Variants in CLIP2 observed in about 807,000 individuals in gnomAD.
CLIP2 encodes CAP-Gly domain-containing linker protein 2.
In CLIP2, 41 loss-of-function variants were observed where a neutral mutation model predicts 111.7. The ratio of observed to expected loss-of-function variants is 0.37; its 90% CI spans 0.29 to 0.48. The LOEUF (loss-of-function observed/expected upper bound fraction) is 0.48. CLIP2 is among the 20% of genes least tolerant of loss of function. The probability of loss-of-function intolerance (pLI) is 0.99; values close to 1 mark genes in which losing one functional copy is unlikely to be tolerated. For missense variants in CLIP2, 1,160 were observed against 1,422.1 expected, an observed-to-expected ratio of 0.82 and a Z score of 2.96; for synonymous variants, 660 against 644.2, an observed-to-expected ratio of 1.02 and a Z score of -0.37.
intron 13 of CLIP2, among the ~76,000 whole-genome samples, chr7:74,394,656 G>A (rs1791398170): frequency 6.6e-6 from 1 of 152,190 alleles, no homozygotes; most frequent in Admixed American, 6.6e-5. Flanking sequence ...ATTAGGAGTT[G>A]CTCTAGCTAC....
rs868980552 is a variant in CLIP2 at position 74,364,277 on chromosome 7, C to T, written c.1342C>T (p.Arg448Cys). ...ERRKVEDLQF[R>C]VEEESITKGD... The stretch of plus-strand genomic sequence containing the variant: ...CAGGAAGGTGGAGGATCTGCAGTTC[C>T]GCGTGGAGGAGGAGTCCATCACCAA... The change falls in exon 8 of 17, where the codon CGC becomes TGC. Residue 448 changes from arginine (R) to cysteine (C), a missense_variant. By Grantham distance (180) the Arg-to-Cys change is radical. Transcript: ENST00000223398. The T allele has an allele frequency of 5.6e-6, 9 of 1,613,582 alleles. No homozygotes were observed. Among genetic ancestry groups the T allele is most frequent in the Admixed American group, 1.7e-5 (1 of 59,932 alleles).
chr7:74,305,996 G>C (rs1554727699), intron 1 of CLIP2, among the ~76,000 whole-genome samples: 2 of 151,940 alleles, frequency 1.3e-5, no homozygotes, highest in African/African-American at 4.8e-5. Context: ...TGATTGCTGG[G>C]GCACGTCCAG....
chr7:74,324,593 T>C (rs1789061871), intron 2 of CLIP2, among the ~76,000 whole-genome samples: 1 of 151,636 alleles, frequency 6.6e-6, no homozygotes, highest in Admixed American at 6.6e-5. Context: ...AGCCACACCT[T>C]GTGCCTGACC....
intron 3 of CLIP2, among the ~76,000 whole-genome samples, chr7:74,349,487 TATATATATATATATATATATATATGTAA>T (rs1789916975): frequency 8.4e-6 from 1 of 119,144 alleles, no homozygotes; most frequent in Non-Finnish European, 1.7e-5. Context: ...TATATATATA[TATATATATATATATATATATATATGTAA>T]ATAAAAATTA....
chr7:74,366,902 C>G (rs1239387668), intron 8 of CLIP2, among the ~76,000 whole-genome samples: 8 of 148,062 alleles, frequency 5.4e-5, no homozygotes, highest in Non-Finnish European at 1.2e-4. Context: ...AAAAAAAAGG[C>G]CTGAAATCAA....
Position 74,338,891 on chromosome 7 carries a change from G to A in CLIP2, c.565G>A (p.Glu189Lys). The change falls in exon 3 of 17, where the codon GAG (glutamate) becomes AAG (lysine). Residue 189 changes from glutamate (E) to lysine (K), a missense_variant. By Grantham distance (56) the Glu-to-Lys change is moderately conservative (BLOSUM62 1). This residue lies in a region of CLIP2 where 301 missense variants were observed against 315.2 expected (regional missense o/e 0.96). Coordinates refer to ENST00000223398, the MANE Select transcript of CLIP2 (RefSeq NM_003388.5). This position sits in a 1 kb window ranked among gnomAD's most constrained non-coding sequence, Gnocchi z 4.3. Reference protein sequence around the residue: ...PLTSRVIPLRESVLNSSVKTG... With the variant: ...PLTSRVIPLRKSVLNSSVKTG... ...GACCAGCCGCGTCATCCCCCTGCGG[G>A]AGAGCGTCCTCAACAGCTCCGTGAA... The A allele has an allele frequency of 6.2e-7, 1 of 1,605,562 alleles. No individual in the cohort carries two copies. Among genetic ancestry groups the A allele is most frequent in the Non-Finnish European group, 8.5e-7 (1 of 1,179,898 alleles).
At chr7:74,312,878 C>T (rs782805603) in intron 1 of CLIP2, among the ~76,000 whole-genome samples, 2 of 152,278 alleles carry the variant, frequency 1.3e-5, no homozygotes, top group South Asian at 4.1e-4. Context: ...ATCCTTCACT[C>T]GGATGTGCCA....
At chr7:74,339,041 C>T (rs1554732849) in intron 3 of CLIP2, 37 bp downstream of exon 3, 1 of 1,551,134 alleles carries the variant, frequency 6.4e-7, no homozygotes, top group South Asian at 1.2e-5. Flanking sequence ...GGCCCAGCTT[C>T]CCTTCCCTCC....
chr7:74,296,593 G>A (rs1788175097), intron 1 of CLIP2, among the ~76,000 whole-genome samples: 1 of 151,728 alleles, frequency 6.6e-6, no homozygotes, highest in Non-Finnish European at 1.5e-5. Flanking sequence ...TTCAAGACCA[G>A]TCTGGCCAAT....
At chr7:74,332,460 C>CTTTTTTTTTT (rs386410474) in intron 2 of CLIP2, among the ~76,000 whole-genome samples, 1 of 110,322 alleles carries the variant, frequency 9.1e-6, no homozygotes, top group African/African-American at 3.3e-5. Context: ...CTAGAATTCT[C>CTTTTTTTTTT]TTTTTTTTTT....
At chr7:74,328,235 G>A (rs1789173921) in intron 2 of CLIP2, among the ~76,000 whole-genome samples, 1 of 152,182 alleles carries the variant, frequency 6.6e-6, no homozygotes, top group South Asian at 2.1e-4. Context: ...GACTGCCGGA[G>A]GGAAAGTGGC....
chr7:74,370,940 C>T (rs1463288974), intron 8 of CLIP2, among the ~76,000 whole-genome samples: 3 of 152,008 alleles, frequency 2.0e-5, no homozygotes, highest in Admixed American at 2.0e-4. Flanking sequence ...TGCCTCCCCA[C>T]CCCCCAGAAT....
intron 1 of CLIP2, among the ~76,000 whole-genome samples, chr7:74,295,154 G>C (rs1290162428): frequency 6.6e-6 from 1 of 152,110 alleles, no homozygotes. Context: ...TGTAGACAGG[G>C]TTTCACCGTG....
At chr7:74,323,345 C>T (rs1169501721) in intron 2 of CLIP2, among the ~76,000 whole-genome samples, 1 of 151,750 alleles carries the variant, frequency 6.6e-6, no homozygotes, top group Non-Finnish European at 1.5e-5. Flanking sequence ...CTCTTGGGCT[C>T]AAGCGATCCT....
chr7:74,348,636 A>T (rs1554306862), intron 3 of CLIP2, among the ~76,000 whole-genome samples: 1 of 151,870 alleles, frequency 6.6e-6, no homozygotes, highest in Non-Finnish European at 1.5e-5. Context: ...AAAAATACAA[A>T]AAAATTAGCC....
At chr7:74,349,470 G>GTGTATATATA (rs1181485819) in intron 3 of CLIP2, among the ~76,000 whole-genome samples, 22 of 33,782 alleles carry the variant, frequency 6.5e-4, no homozygotes, top group Non-Finnish European at 9.5e-4. Flanking sequence ...GTGTGTGTGT[G>GTGTATATATA]TATATATATA....
intron 13 of CLIP2, among the ~76,000 whole-genome samples, chr7:74,392,147 C>T (rs929702759): frequency 1.3e-5 from 2 of 151,416 alleles, no homozygotes; most frequent in Non-Finnish European, 2.9e-5. Flanking sequence ...GTCAGGAGAT[C>T]GAGACCATCC....
chr7:74,363,701 A>G (rs781847476), intron 7 of CLIP2, among the ~76,000 whole-genome samples: 1 of 152,136 alleles, frequency 6.6e-6, no homozygotes, highest in Non-Finnish European at 1.5e-5. Flanking sequence ...CCTGGCCAAC[A>G]TGTTAAAACC....
At chr7:74,322,302 A>C (rs535115203) in intron 2 of CLIP2, among the ~76,000 whole-genome samples, 11 of 146,092 alleles carry the variant, frequency 7.5e-5, no homozygotes, top group African/African-American at 2.8e-4. Flanking sequence ...CCATTTTTTA[A>C]TCTTTTTTTT....
Sources: allele counts gnomAD v4.1 joint callset (sites outside exome capture counted in the v4.1 genomes callset), GRCh38; gene constraint gnomAD v4.1.1; regional missense constraint gnomAD v4.1.1; non-coding constraint Gnocchi (gnomAD v3.1); transcripts MANE v1.5; gene names NCBI Gene and HGNC (gene_info 2026-07-23, HGNC 2026-07-21).